Variants in GUCY1A2 observed in about 807,000 individuals in gnomAD.
GUCY1A2 encodes guanylate cyclase 1 soluble subunit alpha 2, also known as guanylate cyclase soluble subunit alpha-2.
A neutral mutation model predicts 63.5 loss-of-function variants in GUCY1A2; 27 were observed. That is an observed-to-expected ratio of 0.43 (90% CI 0.31 to 0.59). The LOEUF (loss-of-function observed/expected upper bound fraction) is 0.59. Among genes scored for constraint, GUCY1A2 ranks in the 20% least tolerant of loss-of-function variants. The pLI is 0.11. For missense variants in GUCY1A2, 768 were observed against 913.3 expected (o/e 0.84, Z 2.05); for synonymous variants, 364 against 343.5 (o/e 1.06, Z -0.66).
At chr11:106,861,689 A>G (rs1859514982) in intron 4 of GUCY1A2, among the ~76,000 whole-genome samples, 1 of 152,028 alleles carries the variant, frequency 6.6e-6, no homozygotes, top group African/African-American at 2.4e-5. Flanking sequence ...TATATTACGT[A>G]CTCAAGCTTA....
chr11:106,720,401 G>C (rs1863295770), intron 6 of GUCY1A2, among the ~76,000 whole-genome samples: 1 of 152,180 alleles, frequency 6.6e-6, no homozygotes, highest in Non-Finnish European at 1.5e-5. Context: ...GCTTATGCAT[G>C]CCAAAAGATG....
At position 106,869,798 on chromosome 11, in the gene GUCY1A2, C is replaced by T. The variant is rs560635151; in HGVS notation, c.1207-59320G>A. Among the ~76,000 whole-genome samples the T allele has an allele frequency of 2.5e-4, 38 of 152,136 alleles. 1 individual carries two copies. The highest frequency in any genetic ancestry group is 5.3e-4 in the Non-Finnish European group (36 of 68,040). ...TATAAATCATGCTGCTATAAAGACACATGCACATGTATGTTTATTGCAGCA... is the reference window on the plus strand; with the variant it reads ...TATAAATCATGCTGCTATAAAGACATATGCACATGTATGTTTATTGCAGCA... On this transcript the variant is annotated intron_variant, in intron 4 of 7. Transcript: ENST00000526355.
At position 106,958,623 on chromosome 11, in the gene GUCY1A2, A is replaced by G. The variant is rs895152732; in HGVS notation, c.488-18445T>C. On this transcript the variant is annotated intron_variant, in intron 3 of 7. Transcript: ENST00000526355. ...GAACTGTTTAATATAAAAAAAAAAA[A>G]GGGTACACTAGGAAACACACACACA... 6.5e-5 allele frequency among the ~76,000 whole-genome samples: 9 copies of G among 138,762 alleles called. No homozygotes were observed. In the East Asian group the frequency reaches 8.1e-4, roughly 13 times the overall value. The allele number at this position is 138,762 out of a possible 152,430, so 91.0% of individuals were successfully genotyped here.
intron 4 of GUCY1A2, among the ~76,000 whole-genome samples, chr11:106,909,948 T>C (rs1038568884): frequency 3.3e-5 from 5 of 151,992 alleles, no homozygotes; most frequent in South Asian, 2.1e-4. Context: ...GGAAGGTAAA[T>C]TGGCATAAAT....
intron 4 of GUCY1A2, among the ~76,000 whole-genome samples, chr11:106,906,498 T>C (rs1177256061): frequency 1.3e-5 from 2 of 152,148 alleles, no homozygotes; most frequent in Non-Finnish European, 2.9e-5. Context: ...GGTGGGAGTG[T>C]AAATTAGTTC....
At chr11:106,973,731 A>G (rs945699712) in intron 3 of GUCY1A2, among the ~76,000 whole-genome samples, 7 of 152,130 alleles carry the variant, frequency 4.6e-5, no homozygotes, top group Admixed American at 6.6e-5. Flanking sequence ...CTGACCAAAG[A>G]TATCAACAAG....
intron 4 of GUCY1A2, among the ~76,000 whole-genome samples, chr11:106,860,742 C>T (rs138382197): frequency 1.3e-5 from 2 of 152,128 alleles, no homozygotes; most frequent in African/African-American, 4.8e-5. Flanking sequence ...AATGCAACTC[C>T]ATATAAAGGA....
At chr11:106,801,047 G>T (rs1858589842) in intron 5 of GUCY1A2, among the ~76,000 whole-genome samples, 1 of 152,026 alleles carries the variant, frequency 6.6e-6, no homozygotes, top group South Asian at 2.1e-4. Flanking sequence ...CTTCTACTGT[G>T]CTGAAACTAT....
At chr11:106,737,185 T>G (rs1863605366) in intron 6 of GUCY1A2, among the ~76,000 whole-genome samples, 1 of 152,186 alleles carries the variant, frequency 6.6e-6, no homozygotes, top group Admixed American at 6.5e-5. Context: ...TCACTCAGTA[T>G]CCCAGCAAGA....
At chr11:107,016,649 A>C (rs1172378452) in intron 1 of GUCY1A2, among the ~76,000 whole-genome samples, 2 of 152,230 alleles carry the variant, frequency 1.3e-5, no homozygotes, top group African/African-American at 4.8e-5. Context: ...CCAAAAAATG[A>C]GAGAGAAAGC....
At position 106,686,501 on chromosome 11, in the gene GUCY1A2, C is replaced by T. The variant is rs537328212; in HGVS notation, c.*1048G>A. ...CTTCTTTGTCACTAATGCCAGTATC[C>T]AGGAATTTGTTCTCAAGAATAGCAG... is the stretch of plus-strand genomic sequence containing the variant. On this transcript the variant is annotated 3_prime_UTR_variant, in exon 8 of 8. Coordinates refer to ENST00000526355, the MANE Select transcript of GUCY1A2 (RefSeq NM_000855.3). The T allele has an allele frequency of 9.2e-6, 2 of 216,554 alleles. No individual in the cohort carries two copies. Among genetic ancestry groups the T allele is most frequent in the South Asian group, 3.7e-4 (2 of 5,386 alleles). 13.4% of individuals were successfully genotyped at this position (216,554 alleles called of 1,614,324 possible).
chr11:106,850,566 T>A (rs1227782977), intron 4 of GUCY1A2, among the ~76,000 whole-genome samples: 6 of 151,682 alleles, frequency 4.0e-5, no homozygotes, highest in Non-Finnish European at 8.9e-5. Flanking sequence ...GCTCAAAATG[T>A]TTTTTTGGCA....
chr11:106,773,372 AT>A (rs998029415), intron 6 of GUCY1A2, among the ~76,000 whole-genome samples: 2 of 152,148 alleles, frequency 1.3e-5, no homozygotes, highest in Non-Finnish European at 2.9e-5. Context: ...GGTCTTTCAT[AT>A]TCCCAACTAT....
chr11:106,818,800 C>T lies in GUCY1A2; in HGVS notation c.1207-8322G>A, dbSNP rs549673910. Among the ~76,000 whole-genome samples, 14 of 152,116 alleles carry T rather than the reference C, an allele frequency of 9.2e-5. No homozygotes were observed. In the Middle Eastern group the frequency reaches 0.01, roughly 111 times the overall value. ...AACTAAAACAGTATTATTGCTGATA[C>T]GGAGAAAGTTTTAGTAGTATGCATG... On this transcript the variant is annotated intron_variant, in intron 4 of 7. Transcript: ENST00000526355.
At chr11:106,970,491 TAA>T (rs1861179718) in intron 3 of GUCY1A2, among the ~76,000 whole-genome samples, 1 of 152,120 alleles carries the variant, frequency 6.6e-6, no homozygotes, top group South Asian at 2.1e-4. Context: ...GCAGAAATTA[TAA>T]AGAGATAACA....
chr11:106,773,706 G>C (rs1351273918), intron 6 of GUCY1A2, among the ~76,000 whole-genome samples: 2 of 152,148 alleles, frequency 1.3e-5, no homozygotes, highest in Non-Finnish European at 2.9e-5. Context: ...TGTCAAACTA[G>C]TAGGGAGAAA....
chr11:106,872,946 G>T (rs1469175746), intron 4 of GUCY1A2, among the ~76,000 whole-genome samples: 21 of 152,048 alleles, frequency 1.4e-4, no homozygotes, highest in Admixed American at 1.4e-3. Context: ...AGAGGCCCTG[G>T]TGTGTTTTGT....
At chr11:106,826,058 T>C (rs1199032277) in intron 4 of GUCY1A2, among the ~76,000 whole-genome samples, 3 of 152,224 alleles carry the variant, frequency 2.0e-5, no homozygotes, top group Non-Finnish European at 4.4e-5. Context: ...GGTTCTAATC[T>C]ACTAGAGTAC....
chr11:106,984,265 T>C (rs1181667903), intron 2 of GUCY1A2, among the ~76,000 whole-genome samples: 1 of 152,146 alleles, frequency 6.6e-6, no homozygotes, highest in African/African-American at 2.4e-5. Flanking sequence ...ATGCCAGACA[T>C]CAAGACCCCT....
Sources: gnomAD v4.1 joint callset for allele counts (sites outside exome capture counted in the v4.1 genomes callset) on GRCh38, gnomAD v4.1.1 for gene constraint, MANE v1.5 for transcripts, NCBI Gene and HGNC (gene_info 2026-07-23, HGNC 2026-07-21) for gene names.